ERC2: variants seen among roughly 807,000 people sequenced by gnomAD.
The protein encoded by ERC2 is ELKS/RAB6-interacting/CAST family member 2, also known as ERC protein 2.
In ERC2, 42 loss-of-function variants were observed where a neutral mutation model predicts 114.8. The ratio of observed to expected loss-of-function variants is 0.37; its 90% CI spans 0.29 to 0.47. The LOEUF (loss-of-function observed/expected upper bound fraction) is 0.47. ERC2 is among the 20% of genes least tolerant of loss of function. The pLI is 0.99. For missense variants in ERC2, 939 were observed against 1,150.7 expected (o/e 0.82, Z 2.66); for synonymous variants, 454 against 425.5 (o/e 1.07, Z -0.82).
intron 12 of ERC2, among the ~76,000 whole-genome samples, chr3:55,984,754 C>T (rs1436975877): frequency 1.3e-5 from 2 of 152,154 alleles, no homozygotes; most frequent in African/African-American, 2.4e-5. Flanking sequence ...GAGAATGACG[C>T]TTTCCTGCAC....
intron 17 of ERC2, among the ~76,000 whole-genome samples, chr3:55,534,681 C>A (rs935133842): frequency 2.0e-5 from 3 of 152,016 alleles, no homozygotes; most frequent in Admixed American, 6.5e-5. Flanking sequence ...GGGCAACAGA[C>A]CTCGTGTCAA....
chr3:55,932,511 A>G (rs573587102), intron 13 of ERC2, among the ~76,000 whole-genome samples: 1 of 152,276 alleles, frequency 6.6e-6, no homozygotes, highest in East Asian at 1.9e-4. Context: ...ACCTTTGTAC[A>G]TGCTGTTTCC....
At chr3:55,957,926 C>A (rs1166743262) in intron 12 of ERC2, among the ~76,000 whole-genome samples, 2 of 152,212 alleles carry the variant, frequency 1.3e-5, no homozygotes, top group African/African-American at 2.4e-5. Context: ...TCCCAAAGAG[C>A]CGCAGCTGTT....
chr3:56,139,424 G>T, intron 6 of ERC2, 85 bp downstream of exon 6: 1 of 1,353,300 alleles, frequency 7.4e-7, no homozygotes, highest in Non-Finnish European at 1.0e-6. Context: ...TAGGATAAAG[G>T]GTCTTTGGAG....
chr3:56,286,203 C>T (rs1022750197), intron 3 of ERC2, among the ~76,000 whole-genome samples: 9 of 151,966 alleles, frequency 5.9e-5, no homozygotes, highest in Non-Finnish European at 1.3e-4. Context: ...CACTTAAGGT[C>T]GGGAGTTTGA....
At chr3:55,794,600 C>G (rs548992475) in intron 14 of ERC2, among the ~76,000 whole-genome samples, 1 of 152,070 alleles carries the variant, frequency 6.6e-6, no homozygotes, top group African/African-American at 2.4e-5. Context: ...TTTCTTGGTA[C>G]AAATAGCTTT....
intron 3 of ERC2, among the ~76,000 whole-genome samples, chr3:56,194,641 A>C (rs1267291799): frequency 1.3e-5 from 2 of 152,216 alleles, no homozygotes; most frequent in African/African-American, 4.8e-5. Flanking sequence ...CTGTACACTT[A>C]GGCTACACTG....
At chr3:56,340,923 G>A (rs2058064814) in intron 2 of ERC2, among the ~76,000 whole-genome samples, 1 of 151,882 alleles carries the variant, frequency 6.6e-6, no homozygotes, top group Non-Finnish European at 1.5e-5. Context: ...CTTCTGAGCA[G>A]TTTTCAAAAG....
At chr3:56,335,818 A>G (rs905741705) in intron 2 of ERC2, among the ~76,000 whole-genome samples, 1 of 152,206 alleles carries the variant, frequency 6.6e-6, no homozygotes, top group South Asian at 2.1e-4. Context: ...CCTTCCATTC[A>G]CTCATCGGCT....
chr3:55,787,113 A>C (rs2069570163), intron 14 of ERC2, among the ~76,000 whole-genome samples: 1 of 152,204 alleles, frequency 6.6e-6, no homozygotes, highest in Non-Finnish European at 1.5e-5. Context: ...CTGTAAGAAA[A>C]GAATAAAAAT....
chr3:55,545,493 T>C (rs181131935), intron 17 of ERC2, among the ~76,000 whole-genome samples: 115 of 152,232 alleles, frequency 7.6e-4, no homozygotes, highest in Admixed American at 1.9e-3. Context: ...AATGGATGGG[T>C]CACAGGAGTG....
chr3:55,604,672 AG>A (rs1415305159), intron 17 of ERC2, among the ~76,000 whole-genome samples: 1 of 152,208 alleles, frequency 6.6e-6, no homozygotes, highest in Non-Finnish European at 1.5e-5. Flanking sequence ...ACAAGTACAA[AG>A]GGGACTGCCT....
intron 3 of ERC2, among the ~76,000 whole-genome samples, chr3:56,242,423 A>G (rs930190939): frequency 6.6e-6 from 1 of 152,202 alleles, no homozygotes; most frequent in Non-Finnish European, 1.5e-5. Context: ...GGACTTATCC[A>G]TATAACCAAA....
intron 17 of ERC2, among the ~76,000 whole-genome samples, chr3:55,529,825 G>A (rs1329560716): frequency 6.6e-6 from 1 of 152,146 alleles, no homozygotes; most frequent in East Asian, 1.9e-4. Context: ...AGAAGACACA[G>A]GAGAAGTAAT....
chr3:56,198,063 A>G (rs562904916), intron 3 of ERC2, among the ~76,000 whole-genome samples: 33 of 152,210 alleles, frequency 2.2e-4, no homozygotes, highest in Non-Finnish European at 4.8e-4. Context: ...CAAATGGATG[A>G]TGACCAACAA....
chr3:56,087,051 A>C (rs1308155091), intron 6 of ERC2, among the ~76,000 whole-genome samples: 1 of 152,168 alleles, frequency 6.6e-6, no homozygotes, highest in East Asian at 1.9e-4. Flanking sequence ...TAGTCCATGC[A>C]CAAAGACCCA....
intron 3 of ERC2, among the ~76,000 whole-genome samples, chr3:56,285,364 G>A (rs1299402194): frequency 6.6e-6 from 1 of 151,800 alleles, no homozygotes; most frequent in Non-Finnish European, 1.5e-5. Context: ...CTGGGGAAGA[G>A]TGTAAGTGCT....
chr3:56,072,911 G>A (rs943365977), intron 7 of ERC2, among the ~76,000 whole-genome samples: 22 of 152,132 alleles, frequency 1.4e-4, no homozygotes, highest in Admixed American at 1.0e-3. Flanking sequence ...CAAATTAGTC[G>A]ATATCATGAT....
chr3:56,293,804 C>A (rs891698346), intron 3 of ERC2, among the ~76,000 whole-genome samples: 3 of 152,106 alleles, frequency 2.0e-5, no homozygotes, highest in Non-Finnish European at 4.4e-5. Context: ...TTGTGAGAAC[C>A]AGCCAATCTC....
Sources: gnomAD v4.1 joint callset for allele counts (sites outside exome capture counted in the v4.1 genomes callset) on GRCh38, gnomAD v4.1.1 for gene constraint, MANE v1.5 for transcripts, NCBI Gene and HGNC (gene_info 2026-07-23, HGNC 2026-07-21) for gene names.